SPMAP2: variants seen among roughly 807,000 people sequenced by gnomAD.
The protein encoded by SPMAP2 is Theg homolog.
At chr19:365,260 G>A in the SPMAP2 span, among the ~76,000 whole-genome samples, 8 of 152,246 alleles carry the variant, frequency 5.3e-5, no homozygotes, top group Non-Finnish European at 1.2e-4. Flanking sequence ...CCTTCCGGGT[G>A]GATGCGAGCT....
At chr19:365,978 T>C in the SPMAP2 span, among the ~76,000 whole-genome samples, 1 of 152,020 alleles carries the variant, frequency 6.6e-6, no homozygotes, top group African/African-American at 2.4e-5. Flanking sequence ...CTGTCTCTAC[T>C]AAAAATACAA....
the SPMAP2 span, chr19:373,808 A>G: frequency 1.1e-6 from 1 of 874,212 alleles, no homozygotes; most frequent in Non-Finnish European, 1.8e-6. Context: ...AAGGGTGGAG[A>G]GCCCCACATC....
chr19:370,455 C>A, the SPMAP2 span, among the ~76,000 whole-genome samples: 9 of 151,912 alleles, frequency 5.9e-5, no homozygotes, highest in Non-Finnish European at 1.2e-4. Flanking sequence ...GATTCTCCTG[C>A]CTCAGCCTCC....
chr19:373,647 AG>A, the SPMAP2 span: 9 of 878,138 alleles, frequency 1.0e-5, no homozygotes, highest in Middle Eastern at 2.8e-4. Context: ...TTGCTGGGAG[AG>A]GGGGTAGGCC....
chr19:366,962 A>G, the SPMAP2 span: 11 of 1,292,918 alleles, frequency 8.5e-6, no homozygotes, highest in African/African-American at 1.6e-4. Flanking sequence ...CTTCTCTTTC[A>G]TGGGGGAGAG....
At chr19:373,354 A>G in the SPMAP2 span, 3 of 944,390 alleles carry the variant, frequency 3.2e-6, no homozygotes, top group South Asian at 4.5e-5. Flanking sequence ...TGGGGAGGAC[A>G]GAGGCTCCGA....
chr19:370,563 G>T, the SPMAP2 span, among the ~76,000 whole-genome samples: 7 of 151,652 alleles, frequency 4.6e-5, no homozygotes, highest in Non-Finnish European at 1.0e-4. Flanking sequence ...TGTTAGCCAG[G>T]ATGGTCTCGA....
At chr19:361,953 G>C in the SPMAP2 span, 8 of 341,744 alleles carry the variant, frequency 2.3e-5, no homozygotes, top group Non-Finnish European at 2.1e-5. Context: ...GGTCCCGTGG[G>C]CCCTCAGGAA....
the SPMAP2 span, among the ~76,000 whole-genome samples, chr19:363,782 G>A: frequency 1.8e-3 from 272 of 151,990 alleles, 1 homozygote; most frequent in African/African-American, 6.2e-3. Context: ...CAACCTGCCC[G>A]CCTCGGCCTC....
chr19:370,799 G>T, the SPMAP2 span, among the ~76,000 whole-genome samples: 1 of 152,246 alleles, frequency 6.6e-6, no homozygotes, highest in Non-Finnish European at 1.5e-5. Flanking sequence ...TGCAGGGCGG[G>T]GGGCGGCAGA....
chr19:375,129 T>C, the SPMAP2 span, among the ~76,000 whole-genome samples: 3 of 152,100 alleles, frequency 2.0e-5, no homozygotes, highest in Non-Finnish European at 2.9e-5. Flanking sequence ...CAGAGGTATG[T>C]AGAGTGCGCG....
At chr19:374,450 A>T in the SPMAP2 span, 2 of 1,613,672 alleles carry the variant, frequency 1.2e-6, no homozygotes, top group Non-Finnish European at 1.7e-6. Context: ...TTGAAGTTGG[A>T]GCTGCTTTCC....
the SPMAP2 span, chr19:367,276 G>A: frequency 7.4e-4 from 1,115 of 1,499,954 alleles, 2 homozygotes; most frequent in Non-Finnish European, 7.8e-4. Flanking sequence ...ATGATGCCTC[G>A]TGGGCCCTGG....
chr19:366,679 C>T, the SPMAP2 span, among the ~76,000 whole-genome samples: 311 of 152,288 alleles, frequency 2.0e-3, 12 homozygotes, highest in Non-Finnish European at 7.6e-4. Flanking sequence ...ACTGGGAAAA[C>T]GATATAGAAG....
At chr19:375,915 C>T in the SPMAP2 span, 7 of 1,493,106 alleles carry the variant, frequency 4.7e-6, no homozygotes, top group Non-Finnish European at 6.2e-6. Flanking sequence ...TTCCGACCTG[C>T]CCGCAGCCTC....
chr19:373,657 C>A, the SPMAP2 span: 1 of 871,334 alleles, frequency 1.1e-6, no homozygotes, highest in South Asian at 1.6e-5. Context: ...AGGGGGTAGG[C>A]CAGAGAAGGA....
the SPMAP2 span, chr19:371,390 GTGTGTGTGTGTGTGTA>G: frequency 3.2e-6 from 2 of 634,684 alleles, no homozygotes; most frequent in African/African-American, 3.8e-5. Flanking sequence ...GTGTGTGTGT[GTGTGTGTGTGTGTGTA>G]TGTGTCTGTC....
the SPMAP2 span, among the ~76,000 whole-genome samples, chr19:369,952 C>G: frequency 1.3e-5 from 2 of 152,172 alleles, no homozygotes; most frequent in Non-Finnish European, 2.9e-5. Context: ...ACGTGCAAGT[C>G]ACAGGGGATG....
chr19:374,003 C>T, the SPMAP2 span: 55 of 1,613,330 alleles, frequency 3.4e-5, no homozygotes, highest in South Asian at 8.8e-5. Context: ...CTTACCACAG[C>T]GTCCCTTCCT....
Sources: allele counts gnomAD v4.1 joint callset (sites outside exome capture counted in the v4.1 genomes callset), GRCh38; gene constraint gnomAD v4.1.1; transcripts MANE v1.5; gene names NCBI Gene and HGNC (gene_info 2026-07-23, HGNC 2026-07-21).